The following NCKAP5L variants were observed in gnomAD, a reference collection of about 807,000 sequenced individuals.
The protein encoded by NCKAP5L is nck-associated protein 5-like.
In NCKAP5L, 54 loss-of-function variants were observed where a neutral mutation model predicts 103.2. The observed-to-expected ratio is 0.52, with a 90% CI of 0.42 to 0.66. The LOEUF is 0.66. NCKAP5L is among the 30% of genes least tolerant of loss of function. The probability of loss-of-function intolerance (pLI) is 0.00; values close to 1 mark genes in which losing one functional copy is unlikely to be tolerated. For synonymous variants in NCKAP5L, 762 were observed against 748.6 expected (o/e 1.02, Z -0.29); for missense variants, 1,733 against 1,750.6 (o/e 0.99, Z 0.18).
intron 1 of NCKAP5L, among the ~76,000 whole-genome samples, chr12:49,817,829 G>A (rs192066271): frequency 9.9e-5 from 15 of 152,220 alleles, no homozygotes; most frequent in Non-Finnish European, 2.1e-4. Flanking sequence ...AACTCAAAAT[G>A]GATTAAAAAC....
Position 49,791,786 on chromosome 12 carries a change from C to T in NCKAP5L, c.*53G>A, listed in dbSNP as rs909901290. 2.6e-5 allele frequency: 38 copies of T among 1,443,232 alleles called. No individual in the cohort carries two copies. Among genetic ancestry groups the T allele is most frequent in the East Asian group, 5.0e-5 (2 of 40,106 alleles). The allele number at this position is 1,443,232 out of a possible 1,614,324, so 89.4% of individuals were successfully genotyped here. The stretch of plus-strand genomic sequence containing the variant: ...TCCGGGGGCTGGGCATGAAGAGAGC[C>T]GGTCCAGTCTGTGGTCCCCAGCTCC... On this transcript the variant is annotated 3_prime_UTR_variant, in exon 13 of 13. Transcript: ENST00000335999.
chr12:49,814,227 G>A (rs1200093936), intron 1 of NCKAP5L, among the ~76,000 whole-genome samples: 1 of 149,710 alleles, frequency 6.7e-6, no homozygotes. Flanking sequence ...GCTCAAGCCT[G>A]TAACCCCAGC....
Position 49,796,431 on chromosome 12 carries a change from T to C in NCKAP5L, c.1429A>G (p.Ser477Gly), listed in dbSNP as rs1235858436. 7 of 1,551,750 alleles carry C rather than the reference T, an allele frequency of 4.5e-6. No individual in the cohort carries two copies. Among genetic ancestry groups the C allele is most frequent in the African/African-American group, 1.4e-5 (1 of 73,000 alleles). Residue 477 changes from serine to glycine, a missense_variant, in exon 8 of 13, where the codon AGT becomes GGT. Physicochemically the swap from Ser to Gly is moderately conservative, Grantham distance 56 (BLOSUM62 0). Transcript: ENST00000335999. ...CGCGAGTTCCGGGGGAGCTGGGGAC[T>C]GAGCTGCGGGCCTCCTGGGCTGGGG... The part of the protein sequence containing the change: ...KSPSPGGPQL[S>G]PQLPRNSRIP...
chr12:49,795,730 G>T lies in NCKAP5L; in HGVS notation c.2130C>A (p.Pro710=). The T allele has an allele frequency of 6.2e-7, 1 of 1,605,900 alleles. No individual in the cohort carries two copies. The highest frequency in any genetic ancestry group is 1.3e-5 in the African/African-American group (1 of 74,750). Residue 710 remains proline (P), a synonymous_variant, in exon 8 of 13, where the codon CCC becomes CCA. Coordinates refer to ENST00000335999, the MANE Select transcript of NCKAP5L (RefSeq NM_001037806.4). The part of the protein sequence containing the change: ...KSGESAGDMV[P]SIHRPLEQLE... ...GCTGCTCCAGTGGCCTGTGGATGGA[G>T]GGCACCATGTCTCCAGCACTCTCCC...
chr12:49,819,256 G>A (rs989396795), intron 1 of NCKAP5L, among the ~76,000 whole-genome samples: 6 of 151,100 alleles, frequency 4.0e-5, no homozygotes, highest in African/African-American at 1.5e-4. Context: ...AGCTCGCAGT[G>A]AGCTGAGATT....
chr12:49,795,412 G>C lies in NCKAP5L; in HGVS notation c.2448C>G (p.Thr816=), dbSNP rs1325653242. 4.4e-6 allele frequency: 7 copies of C among 1,582,912 alleles called. No homozygotes were observed. Among genetic ancestry groups the C allele is most frequent in the Non-Finnish European group, 6.0e-6 (7 of 1,167,912 alleles). ...TGGTTGGTGACTTGGAAGGGAGCTT[G>C]GTGGGGCTGCTGTGAGGGCTCTTAT... The part of the protein sequence containing the change: ...KPNKSPHSSP[T]KLPSKSPTKV... The change falls in exon 8 of 13, where the codon ACC becomes ACG. Residue 816 remains threonine (T), a synonymous_variant. Coordinates refer to ENST00000335999, the MANE Select transcript of NCKAP5L (RefSeq NM_001037806.4).
chr12:49,816,558 G>A (rs1946299765), intron 1 of NCKAP5L, among the ~76,000 whole-genome samples: 1 of 148,318 alleles, frequency 6.7e-6, no homozygotes, highest in Admixed American at 6.7e-5. Flanking sequence ...CCAGCACTTT[G>A]GGAGGCCAAG....
chr12:49,819,311 CAA>C (rs60803272), intron 1 of NCKAP5L, among the ~76,000 whole-genome samples: 1,689 of 124,980 alleles, frequency 0.014, 9 homozygotes, highest in South Asian at 0.031. Context: ...GACTCCGCTT[CAA>C]AAAAAAAAAA....
chr12:49,792,256 C>G lies in NCKAP5L; in HGVS notation c.3792+190G>C, dbSNP rs753470854. 3 of 1,248,588 alleles carry G rather than the reference C, an allele frequency of 2.4e-6. No individual in the cohort carries two copies. Among genetic ancestry groups the G allele is most frequent in the Admixed American group, 2.0e-5 (1 of 50,566 alleles). 77.3% of individuals were successfully genotyped at this position (1,248,588 alleles called of 1,614,324 possible). ...GTTCTGGGGAGGGACAGAAACCTTT[C>G]CCCACGAGAGAAGTGCAAGGAGGGC... is the stretch of plus-strand genomic sequence containing the variant. On this transcript the variant is annotated intron_variant, in intron 12 of 12. Transcript: ENST00000335999. This position sits in a 1 kb window ranked among gnomAD's most constrained non-coding sequence, Gnocchi z 4.5.
chr12:49,793,965 C>A (rs1349317218), intron 8 of NCKAP5L, 69 bp from the exon 9 acceptor site: 1 of 1,358,166 alleles, frequency 7.4e-7, no homozygotes, highest in Non-Finnish European at 9.7e-7. Context: ...CTTGCACCCG[C>A]CAATGGTGCT....
chr12:49,798,533 G>A (rs1946085153), intron 6 of NCKAP5L, 70 bp from the exon 7 acceptor site: 1 of 1,303,308 alleles, frequency 7.7e-7, no homozygotes, highest in African/African-American at 1.5e-5. Flanking sequence ...CGCAAAGCCA[G>A]GCCTTCCCCT....
intron 3 of NCKAP5L, among the ~76,000 whole-genome samples, chr12:49,803,619 C>G (rs1190025357): frequency 6.6e-6 from 1 of 152,116 alleles, no homozygotes; most frequent in Non-Finnish European, 1.5e-5. Flanking sequence ...CTGACCACCC[C>G]CTTTCCTAGA....
chr12:49,802,870 C>G (rs1196545341), intron 5 of NCKAP5L, 88 bp downstream of exon 5: 1 of 1,434,376 alleles, frequency 7.0e-7, no homozygotes. Flanking sequence ...TGGAGGGCAA[C>G]AGCCCATGTC....
At position 49,795,083 on chromosome 12, in the gene NCKAP5L, CTCT is replaced by C. The variant is rs765347587; in HGVS notation, c.2774_2776del (p.Lys925del). The C allele has an allele frequency of 6.8e-6, 11 of 1,612,656 alleles. No homozygotes were observed. The African/African-American group carries it at 9.3e-5, about 14-fold the overall frequency. On this transcript the variant is annotated inframe_deletion, in exon 8 of 13. Coordinates refer to ENST00000335999, the MANE Select transcript of NCKAP5L (RefSeq NM_001037806.4). ...GCGGCGGTTCAGCGCTGGCAGCTTG[CTCT>C]TCTTAAGGCCGAACCAGCTGGCGAT...
Position 49,801,847 on chromosome 12 carries a change from C to T in NCKAP5L, c.351+1G>A. The T allele has an allele frequency of 6.2e-7, 1 of 1,613,920 alleles. No individual in the cohort carries two copies. Reference sequence around the variant, plus strand: ...GGAGTGAAAGGAGCGCAGATGCCTACCTGAGGGAGCGAGCCTGTCGTGAGC... The same window carrying T: ...GGAGTGAAAGGAGCGCAGATGCCTATCTGAGGGAGCGAGCCTGTCGTGAGC... On this transcript the variant is annotated splice_donor_variant, in intron 6 of 12. Coordinates refer to ENST00000335999, the MANE Select transcript of NCKAP5L (RefSeq NM_001037806.4). LOFTEE classifies it high-confidence loss of function.
rs770204963 is a variant in NCKAP5L at position 49,792,100 on chromosome 12, C to G, written c.3793-49G>C. 6.9e-7 allele frequency: 1 copy of G among 1,447,504 alleles called. No individual in the cohort carries two copies. The highest frequency in any genetic ancestry group is 9.1e-7 in the Non-Finnish European group (1 of 1,095,612). The allele number at this position is 1,447,504 out of a possible 1,614,324, so 89.7% of individuals were successfully genotyped here. On this transcript the variant is annotated intron_variant, in intron 12 of 12. Transcript: ENST00000335999. This position sits in a 1 kb window ranked among gnomAD's most constrained non-coding sequence, Gnocchi z 4.5. ...GAGGAAGCTCCTCTCCACCTTTCGGCCCAGCCTCAGAGGCACTGAGCTCTG... is the reference window on the plus strand; with the variant it reads ...GAGGAAGCTCCTCTCCACCTTTCGGGCCAGCCTCAGAGGCACTGAGCTCTG...
At chr12:49,823,323 C>T (rs1335223100) in intron 1 of NCKAP5L, among the ~76,000 whole-genome samples, 1 of 152,064 alleles carries the variant, frequency 6.6e-6, no homozygotes, top group African/African-American at 2.4e-5. Context: ...GGTGTCTGAA[C>T]AGATCCTTGT....
chr12:49,828,051 G>C (rs1459489250), intron 1 of NCKAP5L, among the ~76,000 whole-genome samples: 4 of 151,334 alleles, frequency 2.6e-5, no homozygotes, highest in African/African-American at 9.7e-5. Context: ...TCCCTTCCGG[G>C]GCCACGGAGT....
chr12:49,796,810 G>A lies in NCKAP5L; in HGVS notation c.1050C>T (p.Leu350=), dbSNP rs754114454. The change falls in exon 8 of 13, where the codon CTC becomes CTT. Residue 350 remains leucine (L), a synonymous_variant. Transcript: ENST00000335999. The part of the protein sequence containing the change: ...QAFLAGAAGP[L]NGDHPGPGQS... The stretch of plus-strand genomic sequence containing the variant: ...GCCCAGGACCTGGGTGGTCCCCATT[G>A]AGTGGGCCTGCAGCCCCGGCCAGGA... 94 of 1,613,396 alleles carry A rather than the reference G, an allele frequency of 5.8e-5. No homozygotes were observed. Among genetic ancestry groups the A allele is most frequent in the Non-Finnish European group, 7.9e-5 (93 of 1,179,830 alleles).
Sources: gnomAD v4.1 joint callset for allele counts (sites outside exome capture counted in the v4.1 genomes callset) on GRCh38, gnomAD v4.1.1 for gene constraint, Gnocchi (gnomAD v3.1) non-coding constraint, MANE v1.5 for transcripts, NCBI Gene and HGNC (gene_info 2026-07-23, HGNC 2026-07-21) for gene names.